The following RYR3 variants were observed in gnomAD, a reference collection of about 807,000 sequenced individuals.
RYR3 encodes the protein brain ryanodine receptor-calcium release channel.
RYR3 carries 207 observed loss-of-function variants against 584.3 expected under a neutral mutation model. The ratio of observed to expected loss-of-function variants is 0.35; its 90% CI spans 0.32 to 0.40. RYR3 has a LOEUF of 0.40. Among genes scored for constraint, RYR3 ranks in the 10% least tolerant of loss-of-function variants. The pLI is 1.00. For missense variants in RYR3, 5,616 were observed against 6,089.2 expected, an observed-to-expected ratio of 0.92 and a Z score of 2.59; for synonymous variants, 2,416 against 2,248.5, an observed-to-expected ratio of 1.07 and a Z score of -2.11.
At chr15:33,864,295 C>T (rs367833146) in intron 103 of RYR3, 106 bp downstream of exon 103, 1 of 830,550 alleles carries the variant, frequency 1.2e-6, no homozygotes, top group Non-Finnish European at 1.9e-6. Context: ...CCATTAATCC[C>T]GTGAATGCAT....
chr15:33,531,958 T>G (rs556986818), intron 4 of RYR3, among the ~76,000 whole-genome samples: 1 of 152,244 alleles, frequency 6.6e-6, no homozygotes, highest in South Asian at 2.1e-4. Context: ...CAAGCTAATA[T>G]CATGGTAGTG....
intron 43 of RYR3, among the ~76,000 whole-genome samples, chr15:33,707,497 A>T (rs12594824): frequency 0.079 from 12,100 of 152,228 alleles, 1,020 homozygotes; most frequent in African/African-American, 0.21. Flanking sequence ...AACTCCCAGG[A>T]GAAAAAAATT....
intron 2 of RYR3, among the ~76,000 whole-genome samples, chr15:33,500,315 G>C (rs1164949785): frequency 6.6e-6 from 1 of 152,216 alleles, no homozygotes; most frequent in African/African-American, 2.4e-5. Context: ...ACAGTGCGAA[G>C]TGAATGTTGT....
intron 98 of RYR3, 26 bp downstream of exon 98, chr15:33,854,938 G>T (rs372124683): frequency 6.3e-7 from 1 of 1,593,576 alleles, no homozygotes; most frequent in Non-Finnish European, 8.5e-7. Flanking sequence ...ATGCAGAACA[G>T]AATGGACCTG....
chr15:33,776,404 A>G (rs774111971), intron 64 of RYR3, among the ~76,000 whole-genome samples: 1 of 152,246 alleles, frequency 6.6e-6, no homozygotes, highest in African/African-American at 2.4e-5. Context: ...ATGAACTTAA[A>G]GAGCATTTGA....
chr15:33,657,734 G>A (rs930859600), intron 32 of RYR3, among the ~76,000 whole-genome samples: 15 of 152,186 alleles, frequency 9.9e-5, no homozygotes, highest in South Asian at 6.2e-4. Context: ...TGGTTTTACT[G>A]GCACTTATCT....
intron 53 of RYR3, 81 bp downstream of exon 53, chr15:33,746,238 C>T (rs2152842637): frequency 3.2e-6 from 3 of 935,584 alleles, no homozygotes; most frequent in Middle Eastern, 2.1e-4. Flanking sequence ...GTTCAGAGCA[C>T]ATTCACTCTC....
At chr15:33,648,004 A>AAAT (rs1327379353) in intron 30 of RYR3, among the ~76,000 whole-genome samples, 1 of 151,694 alleles carries the variant, frequency 6.6e-6, no homozygotes, top group Non-Finnish European at 1.5e-5. Flanking sequence ...AAAAAAAAAA[A>AAAT]AAAAAGCCTG....
At chr15:33,475,901 T>C (rs2049328853) in intron 2 of RYR3, among the ~76,000 whole-genome samples, 1 of 152,236 alleles carries the variant, frequency 6.6e-6, no homozygotes, top group African/African-American at 2.4e-5. Flanking sequence ...CTTAGTTTCT[T>C]GTTCTTTAAA....
At chr15:33,453,177 C>T (rs1404192241) in intron 1 of RYR3, among the ~76,000 whole-genome samples, 2 of 152,160 alleles carry the variant, frequency 1.3e-5, no homozygotes, top group Non-Finnish European at 2.9e-5. Context: ...TTTATTAAAT[C>T]ATCCATTTGT....
chr15:33,699,065 C>T lies in RYR3; in HGVS notation c.6250-639C>T, dbSNP rs76401581. Among the ~76,000 whole-genome samples the T allele has an allele frequency of 3.3e-5, 5 of 152,154 alleles. No homozygotes were observed. The South Asian group carries it at 1.0e-3, about 32-fold the overall frequency. Reference sequence around the variant, plus strand: ...ATCAAATTACAAGTGCTATGGAATCCCATAGAAGAGCAATTATCAATGACA... The same window carrying T: ...ATCAAATTACAAGTGCTATGGAATCTCATAGAAGAGCAATTATCAATGACA... On this transcript the variant is annotated intron_variant, in intron 40 of 103. Coordinates refer to ENST00000634891, the MANE Select transcript of RYR3 (RefSeq NM_001036.6).
intron 1 of RYR3, among the ~76,000 whole-genome samples, chr15:33,467,170 A>G (rs1318813155): frequency 6.6e-6 from 1 of 152,232 alleles, no homozygotes; most frequent in Non-Finnish European, 1.5e-5. Context: ...CTTCCCTTTT[A>G]AAGCAATACA....
chr15:33,711,580 T>G (rs2152793941), intron 43 of RYR3, among the ~76,000 whole-genome samples: 1 of 152,304 alleles, frequency 6.6e-6, no homozygotes, highest in African/African-American at 2.4e-5. Context: ...GCTTAGAAGT[T>G]TCTTCCACCA....
At chr15:33,530,942 C>T (rs1436153058) in intron 4 of RYR3, among the ~76,000 whole-genome samples, 1 of 152,060 alleles carries the variant, frequency 6.6e-6, no homozygotes, top group African/African-American at 2.4e-5. Context: ...CCTATAACCC[C>T]ACCAAATGCA....
chr15:33,598,803 C>G (rs2059521329), intron 16 of RYR3, among the ~76,000 whole-genome samples: 1 of 151,782 alleles, frequency 6.6e-6, no homozygotes, highest in African/African-American at 2.4e-5. Flanking sequence ...CCTGTAATCC[C>G]AGCACTTTGG....
intron 1 of RYR3, among the ~76,000 whole-genome samples, chr15:33,446,895 C>T (rs555547576): frequency 6.6e-4 from 100 of 152,338 alleles, no homozygotes; most frequent in African/African-American, 2.0e-3. Flanking sequence ...GGTTCTCCAA[C>T]GCCTTCACCA....
chr15:33,802,423 G>T (rs112085978), intron 69 of RYR3, among the ~76,000 whole-genome samples: 5,072 of 152,208 alleles, frequency 0.033, 131 homozygotes, highest in Non-Finnish European at 0.056. Context: ...TTTTATTTCA[G>T]CTGTGTTGAT....
Position 33,662,553 on chromosome 15 carries a change from A to G in RYR3, c.5023A>G (p.Thr1675Ala). Residue 1675 changes from threonine (T) to alanine (A), a missense_variant, in exon 35 of 104, where the codon ACT becomes GCT. By Grantham distance (58) the Thr-to-Ala change is moderately conservative. Transcript: ENST00000634891. The part of the protein sequence containing the change: ...FRFSTPCFVV[T>A]GEDHQKQSPE... ...GTTCTCCACCCCTTGCTTTGTTGTG[A>G]CTGGTGAGGATCACCAAAAGCAGAG... 3 of 1,613,994 alleles carry G rather than the reference A, an allele frequency of 1.9e-6. No homozygotes were observed. The highest frequency in any genetic ancestry group is 2.5e-6 in the Non-Finnish European group (3 of 1,179,884).
At chr15:33,825,147 C>T (rs2077310476) in intron 81 of RYR3, among the ~76,000 whole-genome samples, 1 of 152,214 alleles carries the variant, frequency 6.6e-6, no homozygotes, top group African/African-American at 2.4e-5. Context: ...TCATCCTAAG[C>T]TCTGGAAACC....
Sources: gnomAD v4.1 joint callset for allele counts (sites outside exome capture counted in the v4.1 genomes callset) on GRCh38, gnomAD v4.1.1 for gene constraint, MANE v1.5 for transcripts, NCBI Gene and HGNC (gene_info 2026-07-23, HGNC 2026-07-21) for gene names.